SCN9A: variants seen among roughly 807,000 people sequenced by gnomAD.
The protein encoded by SCN9A is sodium voltage-gated channel alpha subunit 9.
In SCN9A, 131 loss-of-function variants were observed where a neutral mutation model predicts 187.0. That is an observed-to-expected ratio of 0.70 (90% CI 0.61 to 0.81). The LOEUF (loss-of-function observed/expected upper bound fraction) is 0.81. Ranked by LOEUF, SCN9A falls within the 30% of genes least tolerant of loss-of-function variation. The probability of loss-of-function intolerance (pLI) is 0.00; values close to 1 mark genes in which losing one functional copy is unlikely to be tolerated. For missense variants in SCN9A, 2,252 were observed against 2,396.6 expected, an observed-to-expected ratio of 0.94 and a Z score of 1.26; for synonymous variants, 809 against 808.6, an observed-to-expected ratio of 1.00 and a Z score of -0.01.
intron 18 of SCN9A, among the ~76,000 whole-genome samples, chr2:166,249,638 A>G (rs1177512380): frequency 6.6e-6 from 1 of 152,110 alleles, no homozygotes; most frequent in African/African-American, 2.4e-5. Flanking sequence ...CTCAGTTTGG[A>G]AGCAATGAAT....
At chr2:166,264,405 G>GA (rs1696645142) in intron 17 of SCN9A, among the ~76,000 whole-genome samples, 1 of 151,944 alleles carries the variant, frequency 6.6e-6, no homozygotes, top group Non-Finnish European at 1.5e-5. Flanking sequence ...TAGAAACAGT[G>GA]AAAAGAGTAT....
At position 166,303,144 on chromosome 2, in the gene SCN9A, T is replaced by C. The variant is rs1553495127; in HGVS notation, c.847A>G (p.Asn283Asp). Reference sequence around the variant, plus strand: ...TTCATTATGCTTTCTAATGTTTCATTATTTTCAAGTGAATTTCGAAAACAT... The same window carrying C: ...TTCATTATGCTTTCTAATGTTTCATCATTTTCAAGTGAATTTCGAAAACAT... ...HKCFRNSLEN[N>D]ETLESIMNTL... Residue 283 changes from asparagine to aspartate, a missense_variant, in exon 7 of 27, where the codon AAT (asparagine) becomes GAT (aspartate). By Grantham distance (23) the Asn-to-Asp change is conservative. This residue lies in a region of SCN9A where 1,013 missense variants were observed against 997.4 expected (regional missense o/e 1.02). Coordinates refer to ENST00000642356, the MANE Select transcript of SCN9A (RefSeq NM_001365536.1). 1.2e-6 allele frequency: 2 copies of C among 1,611,338 alleles called. No homozygotes were observed. Among genetic ancestry groups the C allele is most frequent in the East Asian group, 2.2e-5 (1 of 44,806 alleles).
chr2:166,279,687 GA>G (rs1197684666), intron 14 of SCN9A, among the ~76,000 whole-genome samples: 1 of 152,070 alleles, frequency 6.6e-6, no homozygotes, highest in Non-Finnish European at 1.5e-5. Context: ...TGATGACAAT[GA>G]TGTTGATGAT....
intron 24 of SCN9A, among the ~76,000 whole-genome samples, chr2:166,219,688 A>G (rs1047790764): frequency 6.6e-6 from 1 of 152,188 alleles, no homozygotes; most frequent in African/African-American, 2.4e-5. Context: ...TACCTATGTA[A>G]CAAGACTGCA....
intron 21 of SCN9A, among the ~76,000 whole-genome samples, chr2:166,231,707 A>C (rs564422033): frequency 1.3e-5 from 2 of 151,484 alleles, no homozygotes; most frequent in African/African-American, 2.4e-5. Flanking sequence ...GAGCACCACT[A>C]TGCCCGGGTA....
intron 1 of SCN9A, among the ~76,000 whole-genome samples, chr2:166,372,349 A>G (rs1700586270): frequency 6.6e-6 from 1 of 152,170 alleles, no homozygotes; most frequent in Non-Finnish European, 1.5e-5. Context: ...TCATCTGACT[A>G]CATTTCTATC....
intron 9 of SCN9A, among the ~76,000 whole-genome samples, chr2:166,292,257 T>C (rs35286247): frequency 6.6e-6 from 1 of 152,136 alleles, no homozygotes; most frequent in South Asian, 2.1e-4. Context: ...AATTGTATAA[T>C]GTAATATACT....
At chr2:166,308,179 T>C (rs1411001637) in intron 2 of SCN9A, among the ~76,000 whole-genome samples, 1 of 152,196 alleles carries the variant, frequency 6.6e-6, no homozygotes, top group East Asian at 1.9e-4. Context: ...ATTTTAAAAT[T>C]AATACCTAGT....
In SCN9A at chr2:166,238,709, C is replaced by T. The variant is rs115991932; in HGVS notation, c.3628-442G>A. 3.0e-3 allele frequency among the ~76,000 whole-genome samples: 461 copies of T among 152,284 alleles called. 2 individuals carry two copies. Among genetic ancestry groups the T allele is most frequent in the African/African-American group, 0.011 (448 of 41,554 alleles). ...GAGCCTGTCTTTCAGCTCTCAAATG[C>T]TTGTGCATCCCAGTGCCTAGTACCA... On this transcript the variant is annotated intron_variant, in intron 19 of 26. Coordinates refer to ENST00000642356, the MANE Select transcript of SCN9A (RefSeq NM_001365536.1).
chr2:166,237,733 G>T (rs1695381566), intron 20 of SCN9A, among the ~76,000 whole-genome samples: 1 of 151,866 alleles, frequency 6.6e-6, no homozygotes, highest in African/African-American at 2.4e-5. Context: ...TCTTTAATCT[G>T]TGTCTCTGCC....
chr2:166,355,849 T>C (rs1700140886), intron 1 of SCN9A, among the ~76,000 whole-genome samples: 1 of 151,786 alleles, frequency 6.6e-6, no homozygotes, highest in Non-Finnish European at 1.5e-5. Context: ...CTCAGCTCAC[T>C]ATAACCTCTG....
Position 166,199,914 on chromosome 2 carries a change from A to T in SCN9A, c.4775-50T>A, listed in dbSNP as rs200641274. ...AATAAAATATTTAAAGATGTATGCTACCTGAAATGATGACTCTAAACAGTT... is the reference window on the plus strand; with the variant it reads ...AATAAAATATTTAAAGATGTATGCTTCCTGAAATGATGACTCTAAACAGTT... On this transcript the variant is annotated intron_variant, in intron 26 of 26. Transcript: ENST00000642356. 1.1e-4 allele frequency: 154 copies of T among 1,427,052 alleles called. 1 individual carries two copies. The East Asian group carries it at 3.7e-3, about 34-fold the overall frequency. The allele number at this position is 1,427,052 out of a possible 1,614,324, so 88.4% of individuals were successfully genotyped here. A position where few individuals can be genotyped will look rare whatever the true frequency, so the allele number is the denominator to read the frequency against.
At chr2:166,342,370 G>A (rs994524327) in intron 1 of SCN9A, among the ~76,000 whole-genome samples, 3 of 152,134 alleles carry the variant, frequency 2.0e-5, no homozygotes, top group Admixed American at 6.6e-5. Context: ...CCCCTTCAAT[G>A]TGCCAATGGT....
chr2:166,230,138 G>A (rs183468068), intron 21 of SCN9A, among the ~76,000 whole-genome samples: 19 of 152,260 alleles, frequency 1.2e-4, no homozygotes, highest in African/African-American at 4.6e-4. Context: ...TGCCATGGTA[G>A]TCATGGGTCA....
At chr2:166,272,357 T>C in intron 17 of SCN9A, 42 bp downstream of exon 17, 1 of 1,212,656 alleles carries the variant, frequency 8.2e-7, no homozygotes, top group Non-Finnish European at 1.1e-6. Context: ...CATTTCATAC[T>C]AATTGTTAAT....
chr2:166,295,255 A>T (rs913705693), intron 7 of SCN9A, among the ~76,000 whole-genome samples: 6 of 152,234 alleles, frequency 3.9e-5, no homozygotes, highest in Non-Finnish European at 7.3e-5. Context: ...TGGCAGAGGT[A>T]GGCAGGGGCC....
intron 18 of SCN9A, chr2:166,249,532 T>G (rs2106422270): frequency 6.6e-6 from 1 of 152,248 alleles, no homozygotes; most frequent in South Asian, 2.1e-4. Context: ...ATAAAAGGGA[T>G]GTGACTCAGA....
intron 4 of SCN9A, among the ~76,000 whole-genome samples, 176 bp from the exon 5 acceptor site, chr2:166,306,096 T>A (rs1336269946): frequency 6.6e-6 from 1 of 152,006 alleles, no homozygotes; most frequent in Non-Finnish European, 1.5e-5. Context: ...TATTAAAATG[T>A]CAATATCAGA....
chr2:166,306,682 T>C, intron 3 of SCN9A, 83 bp from the exon 4 acceptor site: 1 of 1,010,102 alleles, frequency 9.9e-7, no homozygotes. Context: ...TGCTTACAAC[T>C]TTTCCTAAGA....
Sources: gnomAD v4.1 joint callset for allele counts (sites outside exome capture counted in the v4.1 genomes callset) on GRCh38, gnomAD v4.1.1 for gene constraint, gnomAD v4.1.1 regional missense constraint, MANE v1.5 for transcripts, NCBI Gene and HGNC (gene_info 2026-07-23, HGNC 2026-07-21) for gene names.